Variants in RSPH14 observed in about 807,000 individuals in gnomAD.
RSPH14 encodes rhabdoid tumor deletion region gene 1.
In RSPH14, 20 loss-of-function variants were observed where a neutral mutation model predicts 26.7. The ratio of observed to expected loss-of-function variants is 0.75; its 90% CI spans 0.53 to 1.09. The LOEUF (loss-of-function observed/expected upper bound fraction) is 1.09, where lower values mean the gene tolerates loss of function less well. Among genes scored for constraint, RSPH14 ranks in the 50% least tolerant of loss-of-function variants. The probability of loss-of-function intolerance (pLI) is 0.00; values close to 1 mark genes in which losing one functional copy is unlikely to be tolerated. For synonymous variants in RSPH14, 177 were observed against 189.3 expected (o/e 0.93, Z 0.53); for missense variants, 449 against 457.2 (o/e 0.98, Z 0.16).
chr22:23,155,078 T>G, the RSPH14 span, among the ~76,000 whole-genome samples: 3 of 152,030 alleles, frequency 2.0e-5, no homozygotes, highest in Non-Finnish European at 2.9e-5. Context: ...TGAGCCAAGA[T>G]CATGCCATTA....
intron 4 of RSPH14, among the ~76,000 whole-genome samples, chr22:23,076,729 G>C (rs2068515130): frequency 6.6e-6 from 1 of 152,236 alleles, no homozygotes; most frequent in East Asian, 1.9e-4. Flanking sequence ...ATGGAAAACT[G>C]TCCTAAGGGG....
At chr22:23,081,608 G>T (rs2068679416) in intron 4 of RSPH14, among the ~76,000 whole-genome samples, 1 of 151,806 alleles carries the variant, frequency 6.6e-6, no homozygotes, top group Non-Finnish European at 1.5e-5. Flanking sequence ...GATCATTTGA[G>T]GTCAGGAGTT....
chr22:23,059,520 G>T lies in RSPH14; in HGVS notation c.989C>A (p.Ala330Asp), dbSNP rs1323962674. The stretch of plus-strand genomic sequence containing the variant: ...CCGGGCTGCCCGCTGTAAGGCTTCG[G>T]CCACTTGAGGCTTTTCGTAAGTCTC... The part of the protein sequence containing the change: ...EVETYEKPQV[A>D]EALQRAARIA... The change falls in exon 7 of 7, where the codon GCC (alanine) becomes GAC (aspartate). Residue 330 changes from alanine to aspartate, a missense_variant. By Grantham distance (126) the Ala-to-Asp change is moderately radical. Transcript: ENST00000216036. 6.2e-7 allele frequency: 1 copy of T among 1,614,116 alleles called. No individual in the cohort carries two copies. Among genetic ancestry groups the T allele is most frequent in the South Asian group, 1.1e-5 (1 of 91,078 alleles).
At chr22:23,175,458 C>T in the RSPH14 span, among the ~76,000 whole-genome samples, 1 of 152,072 alleles carries the variant, frequency 6.6e-6, no homozygotes, top group Non-Finnish European at 1.5e-5. Flanking sequence ...ATTCTCCAGC[C>T]TCCGCCTCTG....
chr22:23,133,692 C>A (rs1016354645), intron 4 of RSPH14, among the ~76,000 whole-genome samples: 1 of 152,066 alleles, frequency 6.6e-6, no homozygotes, highest in Admixed American at 6.6e-5. Flanking sequence ...CAGGTTCAAG[C>A]GATTCTTCTG....
intron 4 of RSPH14, among the ~76,000 whole-genome samples, chr22:23,108,709 C>T (rs949644543): frequency 1.3e-5 from 2 of 152,250 alleles, no homozygotes; most frequent in Admixed American, 1.3e-4. Context: ...CAGCTTCCTG[C>T]CTCATAAGCT....
the RSPH14 span, chr22:23,162,673 G>C: frequency 5.5e-5 from 25 of 456,222 alleles, no homozygotes; most frequent in African/African-American, 4.4e-4. Context: ...ACAGCCCCAG[G>C]CCCCTGTCAC....
Position 23,072,742 on chromosome 22 carries a change from TG to T in RSPH14, c.422-8610del, listed in dbSNP as rs543337240. ...GTTGCAGGGACCTGGCATGTGACTG[TG>T]GGTTTGGGACACAGGGAATGGATTC... is the stretch of plus-strand genomic sequence containing the variant. On this transcript the variant is annotated intron_variant, in intron 4 of 6. Coordinates refer to ENST00000216036, the MANE Select transcript of RSPH14 (RefSeq NM_014433.3). Among the ~76,000 whole-genome samples the T allele has an allele frequency of 1.7e-3, 264 of 152,338 alleles. 1 individual carries two copies. Among genetic ancestry groups the T allele is most frequent in the African/African-American group, 5.7e-3 (239 of 41,576 alleles).
intron 4 of RSPH14, among the ~76,000 whole-genome samples, chr22:23,133,725 G>A (rs1423968161): frequency 6.6e-6 from 1 of 152,126 alleles, no homozygotes; most frequent in Non-Finnish European, 1.5e-5. Context: ...AAGTAGCTGG[G>A]ATTACAGGTG....
intron 4 of RSPH14, among the ~76,000 whole-genome samples, chr22:23,079,835 A>G (rs1027591217): frequency 5.9e-5 from 9 of 152,160 alleles, no homozygotes; most frequent in Non-Finnish European, 1.2e-4. Context: ...TCTCAAGGAA[A>G]GGGACGCAGG....
chr22:23,156,145 G>GAA, the RSPH14 span: 2,173 of 882,492 alleles, frequency 2.5e-3, 7 homozygotes, highest in African/African-American at 5.3e-3. Context: ...TGTCCTCCAA[G>GAA]ACCCACTGAG....
intron 4 of RSPH14, among the ~76,000 whole-genome samples, chr22:23,089,365 G>T (rs1346895822): frequency 6.6e-6 from 1 of 152,182 alleles, no homozygotes; most frequent in Non-Finnish European, 1.5e-5. Context: ...TACGGGCAGG[G>T]CAGGCTGGCT....
chr22:23,131,239 CAG>C lies in RSPH14; in HGVS notation c.421+2785_421+2786del, dbSNP rs2070355007. 2.6e-5 allele frequency: 4 copies of C among 156,774 alleles called. No individual in the cohort carries two copies. In the East Asian group the frequency reaches 7.4e-4, roughly 29 times the overall value. 9.7% of individuals were successfully genotyped at this position (156,774 alleles called of 1,614,324 possible). A position where few individuals can be genotyped will look rare whatever the true frequency, so the allele number is the denominator to read the frequency against. ...AGGTTTTTTAAGGTTTTGGAAGTAA[CAG>C]AGGGATACATACAGCAAGATCCACT... is the stretch of plus-strand genomic sequence containing the variant. On this transcript the variant is annotated intron_variant, in intron 4 of 6. Transcript: ENST00000216036.
intron 4 of RSPH14, chr22:23,095,722 A>G (rs1219356906): frequency 1.2e-6 from 2 of 1,610,398 alleles, no homozygotes; most frequent in Non-Finnish European, 1.7e-6. Context: ...GCTCAGAGGA[A>G]AAAGAAGCAG....
At chr22:23,159,351 G>C in the RSPH14 span, 11 of 1,207,642 alleles carry the variant, frequency 9.1e-6, no homozygotes, top group Non-Finnish European at 1.2e-5. Flanking sequence ...GTAGCCAGTC[G>C]TCTGTTCCCT....
chr22:23,164,670 C>T, the RSPH14 span, among the ~76,000 whole-genome samples: 1 of 152,228 alleles, frequency 6.6e-6, no homozygotes, highest in Non-Finnish European at 1.5e-5. Flanking sequence ...CAAGGTGCGG[C>T]AATGACCACA....
chr22:23,059,777 T>C lies in RSPH14; in HGVS notation c.791-59A>G. The C allele has an allele frequency of 4.0e-6, 6 of 1,482,350 alleles. No individual in the cohort carries two copies. The South Asian group carries it at 5.5e-5, about 14-fold the overall frequency. 91.8% of individuals were successfully genotyped at this position (1,482,350 alleles called of 1,614,324 possible). A position where few individuals can be genotyped will look rare whatever the true frequency, so the allele number is the denominator to read the frequency against. On this transcript the variant is annotated intron_variant, in intron 6 of 6. Transcript: ENST00000216036. ...CCCAAGGGGCCCTCTTCTCACCCCC[T>C]CTCACCCTAGCCCTCTCCTGACCCT...
At chr22:23,130,109 AAGAAAGAAAGAAAGAAAGAAAG>A (rs2070302035) in intron 4 of RSPH14, among the ~76,000 whole-genome samples, 4 of 97,654 alleles carry the variant, frequency 4.1e-5, no homozygotes, top group Non-Finnish European at 6.8e-5. Context: ...GAAAGAAAGA[AAGAAAGAAAGAAAGAAAGAAAG>A]AAAGAAAGAA....
rs144777055 is a variant in RSPH14 at position 23,088,967 on chromosome 22, G to A, written c.422-24834C>T. On this transcript the variant is annotated intron_variant, in intron 4 of 6. Transcript: ENST00000216036. Reference sequence around the variant, plus strand: ...CCAGTCACAGTCTGGGTACAGTTCCGTCTCCTCAACAAGCCTAAACTATCT... The same window carrying A: ...CCAGTCACAGTCTGGGTACAGTTCCATCTCCTCAACAAGCCTAAACTATCT... Among the ~76,000 whole-genome samples the A allele has an allele frequency of 9.2e-5, 14 of 152,310 alleles. No homozygotes were observed. The South Asian group carries it at 2.1e-3, about 23-fold the overall frequency.
Sources: allele counts gnomAD v4.1 joint callset (sites outside exome capture counted in the v4.1 genomes callset), GRCh38; gene constraint gnomAD v4.1.1; transcripts MANE v1.5; gene names NCBI Gene and HGNC (gene_info 2026-07-23, HGNC 2026-07-21).